The following SMOC2 variants were observed in gnomAD, a reference collection of about 807,000 sequenced individuals.
SMOC2 encodes SPARC-related modular calcium-binding protein 2.
A neutral mutation model predicts 61.4 loss-of-function variants in SMOC2; 39 were observed. That is an observed-to-expected ratio of 0.64 (90% CI 0.49 to 0.83). The LOEUF is 0.83. Ranked by LOEUF, SMOC2 falls within the 40% of genes least tolerant of loss-of-function variation. The probability of loss-of-function intolerance (pLI) is 0.00; values close to 1 mark genes in which losing one functional copy is unlikely to be tolerated. For missense variants in SMOC2, 556 were observed against 592.9 expected (o/e 0.94, Z 0.65); for synonymous variants, 247 against 239.9 (o/e 1.03, Z -0.27).
At chr6:168,441,598 C>A in intron 1 of SMOC2, 144 bp downstream of exon 1, 2 of 1,201,072 alleles carry the variant, frequency 1.7e-6, no homozygotes, top group South Asian at 2.2e-5. Flanking sequence ...CCTTCGCCTG[C>A]CGGCGAGGCT....
At position 168,597,457 on chromosome 6, in the gene SMOC2, A is replaced by G. The variant is rs114655239; in HGVS notation, c.638-1361A>G. Reference sequence around the variant, plus strand: ...AGCTAACATTTGTGGAACTGTGTCAATATGCCACACTGCACCTATAATCGC... The same window carrying G: ...AGCTAACATTTGTGGAACTGTGTCAGTATGCCACACTGCACCTATAATCGC... On this transcript the variant is annotated intron_variant, in intron 7 of 12. Coordinates refer to ENST00000356284, the MANE Select transcript of SMOC2 (RefSeq NM_001166412.2). 8.6e-3 allele frequency among the ~76,000 whole-genome samples: 1,308 copies of G among 152,320 alleles called. 18 individuals carry two copies. Among genetic ancestry groups the G allele is most frequent in the African/African-American group, 0.029 (1,212 of 41,546 alleles).
intron 2 of SMOC2, among the ~76,000 whole-genome samples, chr6:168,524,142 T>G (rs986959336): frequency 1.3e-5 from 2 of 152,166 alleles, no homozygotes; most frequent in African/African-American, 4.8e-5. Flanking sequence ...TGCCTCTCGG[T>G]AGAATGGACC....
At chr6:168,457,462 TTG>T (rs1475380473) in intron 1 of SMOC2, among the ~76,000 whole-genome samples, 1 of 152,170 alleles carries the variant, frequency 6.6e-6, no homozygotes, top group African/African-American at 2.4e-5. Flanking sequence ...CTTCATCGCC[TTG>T]TGTTTCCCGT....
At chr6:168,570,996 A>G (rs957488666) in intron 7 of SMOC2, among the ~76,000 whole-genome samples, 1 of 152,172 alleles carries the variant, frequency 6.6e-6, no homozygotes, top group Non-Finnish European at 1.5e-5. Context: ...CTGTCTGAGC[A>G]GTGCAGGATT....
intron 5 of SMOC2, among the ~76,000 whole-genome samples, chr6:168,545,736 G>A (rs1364202683): frequency 6.6e-6 from 1 of 152,262 alleles, no homozygotes; most frequent in African/African-American, 2.4e-5. Flanking sequence ...TGGCCCCAGT[G>A]ACTGGGGAAT....
chr6:168,579,351 TC>T (rs2115155781), intron 7 of SMOC2, among the ~76,000 whole-genome samples: 1 of 152,370 alleles, frequency 6.6e-6, no homozygotes, highest in African/African-American at 2.4e-5. Context: ...CCTGTCACAG[TC>T]TATTTTAAAG....
chr6:168,573,653 G>C (rs952813994), intron 7 of SMOC2, among the ~76,000 whole-genome samples: 3 of 152,116 alleles, frequency 2.0e-5, no homozygotes, highest in Non-Finnish European at 4.4e-5. Flanking sequence ...CAATCTTCCT[G>C]GGAACTCCGT....
chr6:168,667,920 T>C lies in SMOC2; in HGVS notation c.*1482T>C, dbSNP rs1458771571. 1 of 152,254 alleles carries C rather than the reference T, an allele frequency of 6.6e-6. No homozygotes were observed. Among genetic ancestry groups the C allele is most frequent in the Non-Finnish European group, 1.5e-5 (1 of 68,044 alleles). 9.4% of individuals were successfully genotyped at this position (152,254 alleles called of 1,614,324 possible). On this transcript the variant is annotated 3_prime_UTR_variant, in exon 13 of 13. Coordinates refer to ENST00000356284, the MANE Select transcript of SMOC2 (RefSeq NM_001166412.2). ...CAGTTATGATCCTAAACTTTTTGGA[T>C]AATCTTTTATATTTCTGACCTTTGA...
chr6:168,519,261 G>T (rs1014644266), intron 2 of SMOC2, among the ~76,000 whole-genome samples: 2 of 152,094 alleles, frequency 1.3e-5, no homozygotes, highest in African/African-American at 4.8e-5. Context: ...ATGTGCGTGC[G>T]TGCATGTGTG....
intron 8 of SMOC2, among the ~76,000 whole-genome samples, chr6:168,600,568 C>T (rs1785525512): frequency 6.6e-6 from 1 of 152,166 alleles, no homozygotes; most frequent in Non-Finnish European, 1.5e-5. Context: ...CTCTTCTGCC[C>T]CACTCACGCC....
chr6:168,470,976 G>T (rs1295090682), intron 1 of SMOC2, among the ~76,000 whole-genome samples: 1 of 152,168 alleles, frequency 6.6e-6, no homozygotes, highest in Non-Finnish European at 1.5e-5. Flanking sequence ...TCAAATGTGA[G>T]ATGCTGAGAG....
chr6:168,477,799 C>G (rs1025005514), intron 1 of SMOC2, among the ~76,000 whole-genome samples: 1 of 152,116 alleles, frequency 6.6e-6, no homozygotes, highest in South Asian at 2.1e-4. Flanking sequence ...TTTTAGGGAT[C>G]TACTGGGGAT....
intron 11 of SMOC2, among the ~76,000 whole-genome samples, chr6:168,657,298 C>T (rs1441542099): frequency 6.6e-6 from 1 of 152,262 alleles, no homozygotes; most frequent in Non-Finnish European, 1.5e-5. Context: ...GCACTGCAGT[C>T]ATCAGCACTT....
intron 1 of SMOC2, among the ~76,000 whole-genome samples, chr6:168,489,922 G>C (rs1435084917): frequency 6.6e-6 from 1 of 150,842 alleles, no homozygotes; most frequent in Non-Finnish European, 1.5e-5. Context: ...GCATCACACT[G>C]TTTTAGAGTG....
chr6:168,611,459 G>A (rs1290557937), intron 9 of SMOC2, among the ~76,000 whole-genome samples: 1 of 131,308 alleles, frequency 7.6e-6, no homozygotes, highest in Non-Finnish European at 1.6e-5. Context: ...CCCATGTCTG[G>A]CCCTGCACTG....
At chr6:168,640,545 A>T (rs947973545) in intron 9 of SMOC2, among the ~76,000 whole-genome samples, 3 of 152,194 alleles carry the variant, frequency 2.0e-5, no homozygotes, top group Non-Finnish European at 4.4e-5. Context: ...ACTTGCTCTA[A>T]ATATTTTGAG....
intron 7 of SMOC2, among the ~76,000 whole-genome samples, chr6:168,556,914 C>G (rs757632109): frequency 4.0e-5 from 6 of 151,710 alleles, no homozygotes; most frequent in Non-Finnish European, 8.8e-5. Flanking sequence ...CCTCCCTAAC[C>G]CATTAAAAAC....
At chr6:168,600,434 CAAAAAAAA>C (rs965875287) in intron 8 of SMOC2, among the ~76,000 whole-genome samples, 4 of 25,380 alleles carry the variant, frequency 1.6e-4, no homozygotes, top group African/African-American at 2.9e-4. Context: ...AAAAAAAAAA[CAAAAAAAA>C]AAACAGTAGT....
intron 1 of SMOC2, among the ~76,000 whole-genome samples, chr6:168,508,648 C>T (rs1347776092): frequency 6.6e-6 from 1 of 152,222 alleles, no homozygotes; most frequent in Non-Finnish European, 1.5e-5. Flanking sequence ...GGTAAAGGAG[C>T]ATGTTGATGA....
Sources: allele counts gnomAD v4.1 joint callset (sites outside exome capture counted in the v4.1 genomes callset), GRCh38; gene constraint gnomAD v4.1.1; transcripts MANE v1.5; gene names NCBI Gene and HGNC (gene_info 2026-07-23, HGNC 2026-07-21).